Variants in KLF7 observed in about 807,000 individuals in gnomAD.
KLF7 encodes the protein KLF transcription factor 7.
KLF7 carries 2 observed loss-of-function variants against 27.3 expected under a neutral mutation model. That is an observed-to-expected ratio of 0.07 (90% CI 0.03 to 0.23). KLF7 has a LOEUF of 0.23. KLF7 is among the 10% of genes least tolerant of loss of function. The pLI is 1.00. For synonymous variants in KLF7, 165 were observed against 162.4 expected, an observed-to-expected ratio of 1.02 and a Z score of -0.12; for missense variants, 221 against 394.1, an observed-to-expected ratio of 0.56 and a Z score of 3.72.
At chr2:207,107,169 G>A (rs901461937) in intron 2 of KLF7, among the ~76,000 whole-genome samples, 1 of 152,158 alleles carries the variant, frequency 6.6e-6, no homozygotes, top group African/African-American at 2.4e-5. Context: ...ACAGGTGAAA[G>A]CATGACAAAT....
chr2:207,130,150 C>A (rs930226490), intron 1 of KLF7, among the ~76,000 whole-genome samples: 1 of 151,996 alleles, frequency 6.6e-6, no homozygotes. Flanking sequence ...CTTTCCTTCA[C>A]CTATTTTTCT....
rs1220249036 is a variant in KLF7, at chr2:207,075,228, AAATT to A, written c.*5981_*5984del. ...TATGAAACAGACCAGTAACAAAAAT[AAATT>A]TTTTCTTCATTAATAATTTTGTAAC... is the stretch of plus-strand genomic sequence containing the variant. On this transcript the variant is annotated 3_prime_UTR_variant, in exon 4 of 4. Transcript: ENST00000309446. 2.0e-5 allele frequency: 3 copies of A among 152,020 alleles called. No individual in the cohort carries two copies. The highest frequency in any genetic ancestry group is 2.9e-5 in the Non-Finnish European group (2 of 68,012). The allele number at this position is 152,020 out of a possible 1,614,324, so 9.4% of individuals were successfully genotyped here. A position where few individuals can be genotyped will look rare whatever the true frequency, so the allele number is the denominator to read the frequency against.
chr2:207,110,763 C>T (rs542754253), intron 2 of KLF7, among the ~76,000 whole-genome samples: 1 of 152,266 alleles, frequency 6.6e-6, no homozygotes, highest in South Asian at 2.1e-4. Context: ...ATAAATAATG[C>T]AATATTTCCA....
intron 2 of KLF7, among the ~76,000 whole-genome samples, chr2:207,109,563 G>A (rs879667391): frequency 3.3e-5 from 5 of 152,176 alleles, no homozygotes; most frequent in Admixed American, 2.6e-4. Context: ...ATGGAAGGAT[G>A]TATGTGAAAC....
At chr2:207,171,294 C>T (rs13386800), upstream of KLF7, among the ~76,000 whole-genome samples, 37,124 of 151,788 alleles carry the variant, frequency 0.24, 5,261 homozygotes, top group Middle Eastern at 0.32. Flanking sequence ...TTGCTTCTTA[C>T]GGATTAGCAA....
chr2:207,151,148 A>G (rs781223576), intron 1 of KLF7, among the ~76,000 whole-genome samples: 2 of 152,154 alleles, frequency 1.3e-5, no homozygotes, highest in Non-Finnish European at 2.9e-5. Flanking sequence ...GAAAGAAAAC[A>G]GCAATGGGAA....
intron 1 of KLF7, among the ~76,000 whole-genome samples, chr2:207,164,677 A>T (rs566954769): frequency 6.6e-6 from 1 of 152,246 alleles, no homozygotes; most frequent in South Asian, 2.1e-4. Context: ...GGAGTTTCTT[A>T]ACTAGTCCTC....
intron 2 of KLF7, among the ~76,000 whole-genome samples, chr2:207,113,610 G>A (rs1479559376): frequency 1.7e-5 from 2 of 120,420 alleles, no homozygotes; most frequent in African/African-American, 3.5e-5. Context: ...TGGGGGGTGG[G>A]GGGGGGGGGG....
Position 207,076,532 on chromosome 2 carries a change from A to AGAG in KLF7, c.*4678_*4680dup, listed in dbSNP as rs1349136044. ...TTTCTGGGATCTATTAGGAACCAAC[A>AGAG]GAGGAGATTTAAGAGTGTTAAAAGC... On this transcript the variant is annotated 3_prime_UTR_variant, in exon 4 of 4. Coordinates refer to ENST00000309446, the MANE Select transcript of KLF7 (RefSeq NM_003709.4). 6.6e-6 allele frequency: 1 copy of AGAG among 152,214 alleles called. No individual in the cohort carries two copies. The highest frequency in any genetic ancestry group is 1.5e-5 in the Non-Finnish European group (1 of 68,048). The allele number at this position is 152,214 out of a possible 1,614,324, so 9.4% of individuals were successfully genotyped here. A position where few individuals can be genotyped will look rare whatever the true frequency, so the allele number is the denominator to read the frequency against.
At chr2:207,162,915 G>A (rs1280447789) in intron 1 of KLF7, among the ~76,000 whole-genome samples, 23 of 152,138 alleles carry the variant, frequency 1.5e-4, no homozygotes, top group Admixed American at 1.5e-3. Flanking sequence ...GATTACCCCA[G>A]AGCATAAAGA....
chr2:207,114,429 T>C (rs1250646343), intron 2 of KLF7, among the ~76,000 whole-genome samples: 1 of 152,190 alleles, frequency 6.6e-6, no homozygotes, highest in Non-Finnish European at 1.5e-5. Flanking sequence ...ACGAATTCCA[T>C]GAGATGACAT....
In KLF7 at chr2:207,160,238, A is replaced by C. The variant is rs531436371; in HGVS notation, c.102+5229T>G. ...TAAAACATTCCGCCCCCCTACCCCC[A>C]ATCGTTTATGCTAAGCAAGCAGTCA... is the stretch of plus-strand genomic sequence containing the variant. On this transcript the variant is annotated intron_variant, in intron 1 of 3. Coordinates refer to ENST00000309446, the MANE Select transcript of KLF7 (RefSeq NM_003709.4). Among the ~76,000 whole-genome samples, 17 of 152,186 alleles carry C rather than the reference A, an allele frequency of 1.1e-4. No individual in the cohort carries two copies. The East Asian group carries it at 3.1e-3, about 28-fold the overall frequency.
chr2:207,096,749 G>A (rs1392809184), intron 2 of KLF7, among the ~76,000 whole-genome samples: 2 of 152,122 alleles, frequency 1.3e-5, no homozygotes, highest in African/African-American at 2.4e-5. Context: ...TGACTTGTTC[G>A]CCACTTTATC....
At position 207,080,918 on chromosome 2, in the gene KLF7, G is replaced by C; in HGVS notation, c.*295C>G. 1 of 425,346 alleles carries C rather than the reference G, an allele frequency of 2.4e-6. No individual in the cohort carries two copies. Among genetic ancestry groups the C allele is most frequent in the Non-Finnish European group, 4.1e-6 (1 of 241,464 alleles). 26.3% of individuals were successfully genotyped at this position (425,346 alleles called of 1,614,324 possible). A position where few individuals can be genotyped will look rare whatever the true frequency, so the allele number is the denominator to read the frequency against. On this transcript the variant is annotated 3_prime_UTR_variant, in exon 4 of 4. Coordinates refer to ENST00000309446, the MANE Select transcript of KLF7 (RefSeq NM_003709.4). The stretch of plus-strand genomic sequence containing the variant: ...CCAATAGTGCTGAAGTAAGCAGCCA[G>C]TCTGCCTTGCTGAGTTCACCTGGTT...
chr2:207,157,756 T>G (rs886216555), intron 1 of KLF7, among the ~76,000 whole-genome samples: 1 of 152,226 alleles, frequency 6.6e-6, no homozygotes, highest in Non-Finnish European at 1.5e-5. Context: ...CAGTGGGATT[T>G]TTCAACTAAT....
intron 1 of KLF7, among the ~76,000 whole-genome samples, chr2:207,141,250 G>A (rs943576107): frequency 5.9e-5 from 9 of 152,116 alleles, no homozygotes; most frequent in African/African-American, 1.4e-4. Context: ...CATGCTCCAG[G>A]TATCTCAATT....
intron 2 of KLF7, among the ~76,000 whole-genome samples, chr2:207,114,093 A>G (rs1471808782): frequency 1.3e-5 from 2 of 152,230 alleles, no homozygotes; most frequent in Non-Finnish European, 2.9e-5. Flanking sequence ...AATTTAATAC[A>G]TACCGTCATT....
chr2:207,130,544 G>C (rs556614265), intron 1 of KLF7, among the ~76,000 whole-genome samples: 1 of 152,296 alleles, frequency 6.6e-6, no homozygotes, highest in East Asian at 1.9e-4. Context: ...TGAAGTGATG[G>C]AGAGTTGGAA....
chr2:207,124,147 G>A lies in KLF7; in HGVS notation c.360C>T (p.Asp120=). 6.2e-7 allele frequency: 1 copy of A among 1,614,202 alleles called. No individual in the cohort carries two copies. The highest frequency in any genetic ancestry group is 8.5e-7 in the Non-Finnish European group (1 of 1,180,044). ...LSLQPASSSL[D]SYTAVNQAQL... ...GGGCCTGGTTGACGGCTGTGTAGCT[G>A]TCTAGAGAAGAGCTGGCCGGCTGGA... is the stretch of plus-strand genomic sequence containing the variant. The change falls in exon 2 of 4, where the codon GAC becomes GAT. Residue 120 remains aspartate (D), a synonymous_variant. Coordinates refer to ENST00000309446, the MANE Select transcript of KLF7 (RefSeq NM_003709.4).
Sources: allele counts gnomAD v4.1 joint callset (sites outside exome capture counted in the v4.1 genomes callset), GRCh38; gene constraint gnomAD v4.1.1; transcripts MANE v1.5; gene names NCBI Gene and HGNC (gene_info 2026-07-23, HGNC 2026-07-21).